Variants in CEP76 observed in about 807,000 individuals in gnomAD.
CEP76 encodes centrosomal protein 76.
In CEP76, 55 loss-of-function variants were observed where a neutral mutation model predicts 83.3. The observed-to-expected ratio is 0.66, with a 90% CI of 0.53 to 0.83. CEP76 has a LOEUF of 0.83. Among genes scored for constraint, CEP76 ranks in the 40% least tolerant of loss-of-function variants. The pLI is 0.00. For missense variants in CEP76, 694 were observed against 799.5 expected, an observed-to-expected ratio of 0.87 and a Z score of 1.59; for synonymous variants, 270 against 274.5, an observed-to-expected ratio of 0.98 and a Z score of 0.16.
chr18:12,688,741 A>G (rs2039636412), intron 7 of CEP76, among the ~76,000 whole-genome samples: 1 of 152,210 alleles, frequency 6.6e-6, no homozygotes, highest in African/African-American at 2.4e-5. Flanking sequence ...TTTAGTCATA[A>G]TAGCCACATT....
chr18:12,682,469 A>G (rs1365467076), intron 8 of CEP76, among the ~76,000 whole-genome samples: 1 of 152,138 alleles, frequency 6.6e-6, no homozygotes, highest in Non-Finnish European at 1.5e-5. Context: ...GACTACAGGC[A>G]TGAGCCACCT....
chr18:12,675,426 AAG>A (rs1366491637), intron 10 of CEP76, among the ~76,000 whole-genome samples: 1 of 152,070 alleles, frequency 6.6e-6, no homozygotes, highest in Non-Finnish European at 1.5e-5. Flanking sequence ...ATAAATAAAA[AAG>A]AGTTTAGTAA....
At chr18:12,701,844 A>AT (rs1568036362) in intron 1 of CEP76, among the ~76,000 whole-genome samples, 1 of 152,222 alleles carries the variant, frequency 6.6e-6, no homozygotes, top group East Asian at 1.9e-4. Context: ...AGAAACCCTG[A>AT]TATCTGCCGG....
intron 5 of CEP76, among the ~76,000 whole-genome samples, chr18:12,696,766 T>C (rs956241398): frequency 2.0e-5 from 3 of 152,114 alleles, no homozygotes; most frequent in African/African-American, 4.8e-5. Flanking sequence ...GAGCAAATTA[T>C]TTCCTCTTCC....
chr18:12,691,989 G>C (rs2039781058), intron 6 of CEP76, among the ~76,000 whole-genome samples: 1 of 152,020 alleles, frequency 6.6e-6, no homozygotes, highest in Admixed American at 6.6e-5. Context: ...AAAGTGCTGG[G>C]ATTACCGCGC....
At position 12,699,312 on chromosome 18, in the gene CEP76, T is replaced by TA. The variant is rs200050156; in HGVS notation, c.296-110dup. The TA allele has an allele frequency of 8.7e-4, 614 of 709,134 alleles. 2 individuals carry two copies. The highest frequency in any genetic ancestry group is 6.3e-3 in the African/African-American group (346 of 54,960). 43.9% of individuals were successfully genotyped at this position (709,134 alleles called of 1,614,324 possible). A position where few individuals can be genotyped will look rare whatever the true frequency, so the allele number is the denominator to read the frequency against. On this transcript the variant is annotated intron_variant, in intron 3 of 11. Transcript: ENST00000262127. Reference sequence around the variant, plus strand: ...CAGATAAAAACCCAATACCAAAGACTAAAAAAAAAGCAAAAGAGTAACAAA... The same window carrying TA: ...CAGATAAAAACCCAATACCAAAGACTAAAAAAAAAAGCAAAAGAGTAACAAA...
At chr18:12,697,465 TAA>T in intron 4 of CEP76, 57 bp from the exon 5 acceptor site, 1 of 1,136,054 alleles carries the variant, frequency 8.8e-7, no homozygotes, top group East Asian at 2.5e-5. Context: ...TAGGCCAACA[TAA>T]AAGAATACTT....
chr18:12,682,404 G>C (rs923264807), intron 8 of CEP76, among the ~76,000 whole-genome samples: 3 of 152,160 alleles, frequency 2.0e-5, no homozygotes, highest in Admixed American at 1.3e-4. Flanking sequence ...GCCCTGGCTG[G>C]TCTCGAATTC....
chr18:12,685,842 G>A (rs999434659), intron 8 of CEP76: 10 of 154,150 alleles, frequency 6.5e-5, no homozygotes, highest in African/African-American at 2.2e-4. Flanking sequence ...ATGTTGCCCA[G>A]ACTGGTCTTG....
At chr18:12,679,494 T>G (rs979823802) in intron 9 of CEP76, among the ~76,000 whole-genome samples, 48 of 152,326 alleles carry the variant, frequency 3.2e-4, no homozygotes, top group African/African-American at 1.1e-3. Context: ...TTTTCCTTTT[T>G]GTTCAATAAA....
At position 12,702,592 on chromosome 18, in the gene CEP76, GC is replaced by G; in HGVS notation, c.-45del. On this transcript the variant is annotated 5_prime_UTR_variant, in exon 1 of 12. Coordinates refer to ENST00000262127, the MANE Select transcript of CEP76 (RefSeq NM_024899.4). Reference sequence around the variant, plus strand: ...CCCGCCGCTTCTCCCCGCCTCAGATGCCCTAACTGCGCGGCCCCGGCCGGGC... The same window carrying G: ...CCCGCCGCTTCTCCCCGCCTCAGATGCCTAACTGCGCGGCCCCGGCCGGGC... 6.3e-7 allele frequency: 1 copy of G among 1,580,492 alleles called. No homozygotes were observed. The highest frequency in any genetic ancestry group is 8.6e-7 in the Non-Finnish European group (1 of 1,167,852).
At position 12,680,590 on chromosome 18, in the gene CEP76, CCATCTCAAAAAAAAAAAAAAAA is replaced by C. The variant is rs1251056798; in HGVS notation, c.1289+50_1289+71del. The C allele has an allele frequency of 4.7e-5, 51 of 1,093,308 alleles. No homozygotes were observed. The Admixed American group carries it at 1.3e-3, about 28-fold the overall frequency. The allele number at this position is 1,093,308 out of a possible 1,614,324, so 67.7% of individuals were successfully genotyped here. A position where few individuals can be genotyped will look rare whatever the true frequency, so the allele number is the denominator to read the frequency against. ...CCAGCCTGGGCGACAGAGCGAGACT[CCATCTCAAAAAAAAAAAAAAAA>C]AAAAACTTATAACTTCATTTTAATA... On this transcript the variant is annotated intron_variant, in intron 9 of 11. Transcript: ENST00000262127.
At chr18:12,682,663 C>T (rs2039392457) in intron 8 of CEP76, among the ~76,000 whole-genome samples, 1 of 152,104 alleles carries the variant, frequency 6.6e-6, no homozygotes, top group South Asian at 2.1e-4. Flanking sequence ...GAGTCTCGCT[C>T]TGTCACCCAG....
chr18:12,685,940 T>C lies in CEP76; in HGVS notation c.1122+322A>G, dbSNP rs368290296. 3.5e-5 allele frequency: 6 copies of C among 170,750 alleles called. No individual in the cohort carries two copies. In the East Asian group the frequency reaches 6.8e-4, roughly 19 times the overall value. The allele number at this position is 170,750 out of a possible 1,614,324, so 10.6% of individuals were successfully genotyped here. On this transcript the variant is annotated intron_variant, in intron 8 of 11. Transcript: ENST00000262127. Reference sequence around the variant, plus strand: ...GCCACTGCGGCCAGCCAAAATGGTATAGTATTTTATATATAACCTAAGCAC... The same window carrying C: ...GCCACTGCGGCCAGCCAAAATGGTACAGTATTTTATATATAACCTAAGCAC...
At chr18:12,668,575 G>A (rs1240395529), downstream of CEP76, among the ~76,000 whole-genome samples, 1 of 96,948 alleles carries the variant, frequency 1.0e-5, no homozygotes, top group East Asian at 3.4e-4. Context: ...TCCAGCCTGG[G>A]AGACAGAGTA....
At chr18:12,672,047 T>C (rs2038961779), downstream of CEP76, among the ~76,000 whole-genome samples, 1 of 151,876 alleles carries the variant, frequency 6.6e-6, no homozygotes, top group Admixed American at 6.6e-5. Context: ...CTTGAACCCC[T>C]GACCTCGTGA....
At chr18:12,682,804 TAGAG>T (rs748807419) in intron 8 of CEP76, among the ~76,000 whole-genome samples, 85 of 151,624 alleles carry the variant, frequency 5.6e-4, no homozygotes, top group African/African-American at 1.6e-3. Flanking sequence ...GTATTTTTAG[TAGAG>T]AGAGAGTTTC....
intron 6 of CEP76, among the ~76,000 whole-genome samples, chr18:12,694,766 C>T (rs1390907601): frequency 2.0e-5 from 3 of 150,622 alleles, no homozygotes; most frequent in African/African-American, 7.3e-5. Context: ...GGCTGGAGTG[C>T]ACTGGTGCGA....
rs138490935 is a variant in CEP76, at chr18:12,680,519, C to G, written c.1289+143G>C. 3.3e-3 allele frequency: 1,675 copies of G among 510,536 alleles called. 36 individuals are homozygous for G. Among genetic ancestry groups the G allele is most frequent in the African/African-American group, 0.032 (1,565 of 49,102 alleles). 31.6% of individuals were successfully genotyped at this position (510,536 alleles called of 1,614,324 possible). ...GCTGAGACAGGAGAATCGGCTTGAA[C>G]CTGGGAGGTGGAGGTTGCAGTGAGC... On this transcript the variant is annotated intron_variant, in intron 9 of 11. Coordinates refer to ENST00000262127, the MANE Select transcript of CEP76 (RefSeq NM_024899.4).
Sources: gnomAD v4.1 joint callset for allele counts (sites outside exome capture counted in the v4.1 genomes callset) on GRCh38, gnomAD v4.1.1 for gene constraint, MANE v1.5 for transcripts, NCBI Gene and HGNC (gene_info 2026-07-23, HGNC 2026-07-21) for gene names.